CNTNAP2: variants seen among roughly 807,000 people sequenced by gnomAD.
CNTNAP2 encodes contactin associated protein 2, also known as contactin-associated protein-like 2.
A neutral mutation model predicts 155.2 loss-of-function variants in CNTNAP2; 98 were observed. The observed-to-expected ratio is 0.63, with a 90% CI of 0.54 to 0.75. The LOEUF is 0.75. CNTNAP2 is among the 30% of genes least tolerant of loss of function. The pLI, the probability that CNTNAP2 is intolerant of heterozygous loss-of-function variation, is 0.00. For synonymous variants in CNTNAP2, 651 were observed against 631.2 expected, an observed-to-expected ratio of 1.03 and a Z score of -0.47; for missense variants, 1,727 against 1,688.1, an observed-to-expected ratio of 1.02 and a Z score of -0.40.
chr7:146,848,574 G>A (rs60720555), intron 3 of CNTNAP2, among the ~76,000 whole-genome samples: 2,200 of 152,214 alleles, frequency 0.014, 50 homozygotes, highest in African/African-American at 0.05. Context: ...TATTCAGAGT[G>A]GTTGGGTCCA....
At chr7:146,557,339 T>C (rs1359312633) in intron 1 of CNTNAP2, among the ~76,000 whole-genome samples, 1 of 152,064 alleles carries the variant, frequency 6.6e-6, no homozygotes, top group Non-Finnish European at 1.5e-5. Flanking sequence ...GGAAAACTAT[T>C]ATAAACCGCT....
chr7:146,774,249 CCTCT>C lies in CNTNAP2; in HGVS notation c.98-19_98-16del, dbSNP rs796052367. On this transcript the variant is annotated intron_variant, in intron 1 of 23. Transcript: ENST00000361727. Reference sequence around the variant, plus strand: ...GAAATCGTTGTTGAGTGTCTCTCTCCCTCTCTGTCTTTTGTTTTCAGAAAAATGT... The same window carrying C: ...GAAATCGTTGTTGAGTGTCTCTCTCCCTGTCTTTTGTTTTCAGAAAAATGT... 224 of 1,572,522 alleles carry C rather than the reference CCTCT, an allele frequency of 1.4e-4. 4 individuals are homozygous for C. In the East Asian group the frequency reaches 4.4e-3, roughly 31 times the overall value.
rs144206963 is a variant in CNTNAP2 at position 146,837,589 on chromosome 7, T to C, written c.209-2122T>C. Among the ~76,000 whole-genome samples the C allele has an allele frequency of 5.4e-3, 816 of 152,314 alleles. 11 individuals are homozygous for C. The highest frequency in any genetic ancestry group is 0.019 in the African/African-American group (772 of 41,574). On this transcript the variant is annotated intron_variant, in intron 2 of 23. Coordinates refer to ENST00000361727, the MANE Select transcript of CNTNAP2 (RefSeq NM_014141.6). The stretch of plus-strand genomic sequence containing the variant: ...TTCTCTCTGGTTCTAAGACATATTT[T>C]CCTGCTTGTCCAAATGTCTAGTATA...
At chr7:148,105,592 T>A (rs13223004) in intron 15 of CNTNAP2, among the ~76,000 whole-genome samples, 19,682 of 144,070 alleles carry the variant, frequency 0.14, 1,750 homozygotes, top group East Asian at 0.4. Context: ...TTTATTTTTT[T>A]TTTTTATTTT....
At chr7:147,587,457 T>G (rs1800652735) in intron 12 of CNTNAP2, among the ~76,000 whole-genome samples, 1 of 152,222 alleles carries the variant, frequency 6.6e-6, no homozygotes, top group Non-Finnish European at 1.5e-5. Context: ...TCTGCATGGC[T>G]GCTTTGCTTA....
intron 4 of CNTNAP2, among the ~76,000 whole-genome samples, chr7:147,053,487 G>A (rs1799507699): frequency 6.6e-6 from 1 of 152,018 alleles, no homozygotes; most frequent in Admixed American, 6.6e-5. Context: ...TATTTAATAT[G>A]TCACTGATAT....
At chr7:147,744,746 C>A (rs1400592113) in intron 13 of CNTNAP2, among the ~76,000 whole-genome samples, 1 of 152,122 alleles carries the variant, frequency 6.6e-6, no homozygotes, top group African/African-American at 2.4e-5. Context: ...TATGGCCTTT[C>A]CTCTGTGCAC....
chr7:146,524,067 A>G (rs1797653503), intron 1 of CNTNAP2, among the ~76,000 whole-genome samples: 1 of 152,092 alleles, frequency 6.6e-6, no homozygotes, highest in South Asian at 2.1e-4. Flanking sequence ...ATACTATTAA[A>G]CCTGTTAAAA....
intron 1 of CNTNAP2, among the ~76,000 whole-genome samples, chr7:146,167,498 A>T (rs932826029): frequency 2.6e-5 from 4 of 152,222 alleles, no homozygotes; most frequent in African/African-American, 9.6e-5. Flanking sequence ...ATTGATATGT[A>T]GCAGAAAGGA....
At chr7:146,730,760 A>T (rs1180324101) in intron 1 of CNTNAP2, among the ~76,000 whole-genome samples, 1 of 152,118 alleles carries the variant, frequency 6.6e-6, no homozygotes, top group Non-Finnish European at 1.5e-5. Context: ...TGAGTTTTTA[A>T]TTCTCTCACT....
chr7:146,403,841 TG>T (rs1276365149), intron 1 of CNTNAP2, among the ~76,000 whole-genome samples: 1 of 152,160 alleles, frequency 6.6e-6, no homozygotes, highest in Non-Finnish European at 1.5e-5. Context: ...TTCGGTGTAC[TG>T]AGATTCAGTC....
chr7:147,601,095 C>G (rs1443787071), intron 12 of CNTNAP2, among the ~76,000 whole-genome samples: 1 of 152,170 alleles, frequency 6.6e-6, no homozygotes, highest in Non-Finnish European at 1.5e-5. Flanking sequence ...GTCCCCGTTA[C>G]TCAGCCTCAA....
intron 3 of CNTNAP2, among the ~76,000 whole-genome samples, chr7:146,945,297 A>G (rs947544105): frequency 2.6e-5 from 4 of 152,198 alleles, no homozygotes; most frequent in African/African-American, 7.2e-5. Context: ...TGACTTAGCT[A>G]TGGTTAAATA....
At chr7:147,817,009 G>A (rs77098745) in intron 13 of CNTNAP2, among the ~76,000 whole-genome samples, 2,858 of 152,174 alleles carry the variant, frequency 0.019, 90 homozygotes, top group East Asian at 0.14. Flanking sequence ...AAATCTAATT[G>A]AGCCTTTATC....
intron 1 of CNTNAP2, among the ~76,000 whole-genome samples, chr7:146,615,871 G>A (rs182549960): frequency 1.4e-4 from 21 of 152,250 alleles, no homozygotes; most frequent in Non-Finnish European, 2.8e-4. Flanking sequence ...TCTCAACATC[G>A]TACTGATTCC....
At chr7:146,505,358 A>C (rs548357675) in intron 1 of CNTNAP2, among the ~76,000 whole-genome samples, 25 of 152,350 alleles carry the variant, frequency 1.6e-4, no homozygotes, top group African/African-American at 6.0e-4. Flanking sequence ...GGGGTAAATC[A>C]TGCCCTTCAG....
intron 1 of CNTNAP2, among the ~76,000 whole-genome samples, chr7:146,227,189 G>A (rs188511462): frequency 1.8e-3 from 277 of 152,216 alleles, no homozygotes; most frequent in Non-Finnish European, 3.2e-3. Context: ...TCTTTGGGAG[G>A]CCAAGGAGGG....
chr7:147,577,043 T>C lies in CNTNAP2; in HGVS notation c.1897+14786T>C, dbSNP rs565461595. Among the ~76,000 whole-genome samples the C allele has an allele frequency of 1.1e-4, 16 of 152,268 alleles. No individual in the cohort carries two copies. In the East Asian group the frequency reaches 2.7e-3, roughly 26 times the overall value. On this transcript the variant is annotated intron_variant, in intron 12 of 23. Coordinates refer to ENST00000361727, the MANE Select transcript of CNTNAP2 (RefSeq NM_014141.6). The stretch of plus-strand genomic sequence containing the variant: ...TGACTATCCAGGTAGTTTTACCAAC[T>C]GTTTATAAAAGAAACTATGTCAACA...
intron 13 of CNTNAP2, among the ~76,000 whole-genome samples, chr7:147,688,466 G>A (rs936421534): frequency 3.3e-5 from 5 of 152,078 alleles, no homozygotes; most frequent in Admixed American, 6.6e-5. Context: ...TCACATAGCC[G>A]CCTTTCTCCT....
Sources: gnomAD v4.1 joint callset for allele counts (sites outside exome capture counted in the v4.1 genomes callset) on GRCh38, gnomAD v4.1.1 for gene constraint, MANE v1.5 for transcripts, NCBI Gene and HGNC (gene_info 2026-07-23, HGNC 2026-07-21) for gene names.